The following ASTN2 variants were observed in gnomAD, a reference collection of about 807,000 sequenced individuals.
ASTN2 encodes the protein astrotactin-2.
In ASTN2, 54 loss-of-function variants were observed where a neutral mutation model predicts 139.8. That is an observed-to-expected ratio of 0.39 (90% confidence interval 0.31 to 0.48). ASTN2 has a LOEUF of 0.48. Among genes scored for constraint, ASTN2 ranks in the 20% least tolerant of loss-of-function variants. ASTN2 has a pLI of 0.95. For missense variants in ASTN2, 1,565 were observed against 1,725.1 expected (o/e 0.91, Z 1.64); for synonymous variants, 756 against 719.5 (o/e 1.05, Z -0.81).
chr9:116,801,998 G>A (rs1830871768), intron 13 of ASTN2, among the ~76,000 whole-genome samples: 1 of 151,864 alleles, frequency 6.6e-6, no homozygotes, highest in Admixed American at 6.6e-5. Context: ...GCAGAACAAT[G>A]ACTTCTAATG....
At chr9:117,106,186 C>G (rs1829097735) in intron 4 of ASTN2, among the ~76,000 whole-genome samples, 1 of 152,068 alleles carries the variant, frequency 6.6e-6, no homozygotes, top group African/African-American at 2.4e-5. Context: ...TGCTTATGTG[C>G]CCACTCACAA....
intron 13 of ASTN2, among the ~76,000 whole-genome samples, chr9:116,764,364 C>T (rs1375154036): frequency 1.3e-5 from 2 of 152,150 alleles, no homozygotes; most frequent in South Asian, 2.1e-4. Flanking sequence ...GCTGAAGGGC[C>T]TCTTTAGTCC....
chr9:116,475,343 T>TGGCAA lies in ASTN2; in HGVS notation c.3497+12011_3497+12015dup, dbSNP rs150196158. Among the ~76,000 whole-genome samples, 1,231 of 152,326 alleles carry TGGCAA rather than the reference T, an allele frequency of 8.1e-3. 7 individuals carry two copies. Among genetic ancestry groups the TGGCAA allele is most frequent in the Non-Finnish European group, 0.012 (803 of 68,028 alleles). On this transcript the variant is annotated intron_variant, in intron 20 of 22. Coordinates refer to ENST00000313400, the MANE Select transcript of ASTN2 (RefSeq NM_001365068.1). Reference sequence around the variant, plus strand: ...GGCCACAATGACTCATTGCCATCACTGGCAAGTTCCTCCTTACAAAGCATG... The same window carrying TGGCAA: ...GGCCACAATGACTCATTGCCATCACTGGCAAGGCAAGTTCCTCCTTACAAAGCATG...
At chr9:116,669,679 G>T (rs1049020609) in intron 16 of ASTN2, among the ~76,000 whole-genome samples, 1 of 152,068 alleles carries the variant, frequency 6.6e-6, no homozygotes, top group Non-Finnish European at 1.5e-5. Flanking sequence ...TCCTTTATTG[G>T]ATGTGTCTTT....
chr9:116,747,458 T>A (rs554617549), intron 13 of ASTN2, among the ~76,000 whole-genome samples: 1 of 152,318 alleles, frequency 6.6e-6, no homozygotes, highest in East Asian at 1.9e-4. Flanking sequence ...TGTGTTAGGT[T>A]CTCTGCAGGC....
chr9:117,235,830 G>A (rs1245553216), intron 2 of ASTN2, among the ~76,000 whole-genome samples: 1 of 152,180 alleles, frequency 6.6e-6, no homozygotes, highest in Non-Finnish European at 1.5e-5. Context: ...TCCAAGGTGA[G>A]TGAGGCACTC....
intron 22 of ASTN2, among the ~76,000 whole-genome samples, chr9:116,437,832 G>A (rs1847707711): frequency 6.6e-6 from 1 of 152,148 alleles, no homozygotes; most frequent in Non-Finnish European, 1.5e-5. Context: ...TTAAAGTCCA[G>A]GACCCAACAT....
chr9:116,918,354 C>G (rs1342929474), intron 10 of ASTN2, among the ~76,000 whole-genome samples: 1 of 152,132 alleles, frequency 6.6e-6, no homozygotes, highest in Non-Finnish European at 1.5e-5. Flanking sequence ...GCCTCATAGA[C>G]AATGAAATTT....
At chr9:117,287,314 T>A (rs1476419697) in intron 2 of ASTN2, among the ~76,000 whole-genome samples, 2 of 152,198 alleles carry the variant, frequency 1.3e-5, no homozygotes, top group African/African-American at 4.8e-5. Flanking sequence ...GGAGTTGATT[T>A]CCAAGTCATA....
At chr9:117,120,002 G>GTA in intron 4 of ASTN2, among the ~76,000 whole-genome samples, 1 of 43,358 alleles carries the variant, frequency 2.3e-5, no homozygotes, top group Non-Finnish European at 4.6e-5. Flanking sequence ...GTGTGTGTGT[G>GTA]TGTGTGTGTG....
intron 13 of ASTN2, among the ~76,000 whole-genome samples, chr9:116,782,191 T>C (rs900663788): frequency 1.3e-5 from 2 of 152,188 alleles, no homozygotes; most frequent in Non-Finnish European, 2.9e-5. Context: ...GATCACTCTC[T>C]AGCTGTCAGT....
chr9:116,876,260 C>T (rs1438096675), intron 10 of ASTN2, among the ~76,000 whole-genome samples: 1 of 152,076 alleles, frequency 6.6e-6, no homozygotes, highest in Non-Finnish European at 1.5e-5. Context: ...TGCAAGAGAA[C>T]TAGATTTAGA....
intron 10 of ASTN2, among the ~76,000 whole-genome samples, chr9:116,974,949 C>G (rs1287411215): frequency 6.6e-6 from 1 of 152,102 alleles, no homozygotes; most frequent in Non-Finnish European, 1.5e-5. Context: ...TTAATGATCC[C>G]ATGATGAGCT....
intron 5 of ASTN2, among the ~76,000 whole-genome samples, chr9:117,058,506 C>T (rs7852705): frequency 0.65 from 98,314 of 152,100 alleles, 32,088 homozygotes; most frequent in East Asian, 0.72. Flanking sequence ...AGAGGAGAAA[C>T]TTAAGTTAAT....
chr9:116,961,315 C>T (rs1313438340), intron 10 of ASTN2, among the ~76,000 whole-genome samples: 1 of 152,168 alleles, frequency 6.6e-6, no homozygotes, highest in South Asian at 2.1e-4. Context: ...CCATCTATCT[C>T]CAGAAGTCTT....
intron 7 of ASTN2, among the ~76,000 whole-genome samples, chr9:116,993,539 T>C (rs1836920134): frequency 1.3e-5 from 2 of 151,236 alleles, no homozygotes; most frequent in African/African-American, 4.8e-5. Flanking sequence ...TTTATTACTA[T>C]ATATAGTATA....
chr9:116,588,758 G>A (rs1012321480), intron 19 of ASTN2, among the ~76,000 whole-genome samples: 2 of 152,092 alleles, frequency 1.3e-5, no homozygotes, highest in Admixed American at 6.5e-5. Context: ...GATCTTAAGT[G>A]CATAGTTCAT....
intron 13 of ASTN2, among the ~76,000 whole-genome samples, chr9:116,803,730 T>C (rs1245323773): frequency 1.1e-4 from 16 of 151,028 alleles, no homozygotes; most frequent in Admixed American, 1.1e-3. Flanking sequence ...TTCATTGTGT[T>C]AGCCAGGATG....
intron 13 of ASTN2, among the ~76,000 whole-genome samples, chr9:116,791,072 C>G (rs1444273516): frequency 6.6e-6 from 1 of 151,588 alleles, no homozygotes; most frequent in Non-Finnish European, 1.5e-5. Flanking sequence ...AAGGAAAGGT[C>G]TCAAACTCCT....
Sources: allele counts gnomAD v4.1 joint callset (sites outside exome capture counted in the v4.1 genomes callset), GRCh38; gene constraint gnomAD v4.1.1; transcripts MANE v1.5; gene names NCBI Gene and HGNC (gene_info 2026-07-23, HGNC 2026-07-21).